Variants in TENM4 observed in about 807,000 individuals in gnomAD.
TENM4 encodes teneurin-4.
TENM4 carries 82 observed loss-of-function variants against 243.3 expected under a neutral mutation model. The observed-to-expected ratio is 0.34, with a 90% CI of 0.28 to 0.40. The LOEUF (loss-of-function observed/expected upper bound fraction) is 0.40, where lower values mean the gene tolerates loss of function less well. Ranked by LOEUF, TENM4 falls within the 10% of genes least tolerant of loss-of-function variation. The pLI is 1.00. For missense variants in TENM4, 3,138 were observed against 3,673.3 expected, an observed-to-expected ratio of 0.85 and a Z score of 3.77; for synonymous variants, 1,412 against 1,456.3, an observed-to-expected ratio of 0.97 and a Z score of 0.69.
At chr11:78,832,057 T>C (rs1282548655) in intron 12 of TENM4, among the ~76,000 whole-genome samples, 1 of 152,210 alleles carries the variant, frequency 6.6e-6, no homozygotes, top group African/African-American at 2.4e-5. Context: ...GGATAACTGA[T>C]GTTCTCAAGG....
chr11:79,224,032 C>G (rs1006099616), intron 2 of TENM4, among the ~76,000 whole-genome samples: 4 of 152,196 alleles, frequency 2.6e-5, no homozygotes, highest in Admixed American at 1.3e-4. Context: ...TCTCTTTCAG[C>G]ACAGTTGGGA....
chr11:78,928,645 A>G (rs932308329), intron 6 of TENM4, among the ~76,000 whole-genome samples: 1 of 152,238 alleles, frequency 6.6e-6, no homozygotes, highest in Admixed American at 6.5e-5. Context: ...GACTTTGTAC[A>G]TATTATATCA....
At chr11:79,083,224 CA>C (rs1473672260) in intron 4 of TENM4, among the ~76,000 whole-genome samples, 1 of 152,320 alleles carries the variant, frequency 6.6e-6, no homozygotes, top group African/African-American at 2.4e-5. Flanking sequence ...AAGATGGGGA[CA>C]GGGATCCAGG....
At chr11:79,074,579 A>C (rs1315816146) in intron 4 of TENM4, among the ~76,000 whole-genome samples, 1 of 152,206 alleles carries the variant, frequency 6.6e-6, no homozygotes, top group African/African-American at 2.4e-5. Flanking sequence ...GCCACAGAGC[A>C]ACCTGTCTCT....
intron 6 of TENM4, among the ~76,000 whole-genome samples, chr11:79,055,262 G>A (rs1591245846): frequency 6.6e-6 from 1 of 151,480 alleles, no homozygotes; most frequent in Non-Finnish European, 1.5e-5. Flanking sequence ...TTTATTTTGA[G>A]ATGCAGTCTC....
intron 2 of TENM4, among the ~76,000 whole-genome samples, chr11:79,285,514 C>T (rs978014485): frequency 1.3e-5 from 2 of 151,818 alleles, no homozygotes; most frequent in African/African-American, 4.8e-5. Flanking sequence ...AGATATATAC[C>T]CCAAAGAACT....
intron 1 of TENM4, among the ~76,000 whole-genome samples, chr11:79,317,300 A>G (rs17828811): frequency 0.19 from 29,274 of 152,148 alleles, 2,905 homozygotes; most frequent in African/African-American, 0.24. Context: ...ATCCTCCATA[A>G]TGAGCCATGA....
At chr11:78,785,161 G>A (rs1022342056) in intron 16 of TENM4, among the ~76,000 whole-genome samples, 1 of 152,002 alleles carries the variant, frequency 6.6e-6, no homozygotes, top group African/African-American at 2.4e-5. Flanking sequence ...GAAGGTGAGG[G>A]GAAAGCAGAG....
At chr11:79,413,812 T>A (rs571695979) in intron 1 of TENM4, among the ~76,000 whole-genome samples, 1 of 152,314 alleles carries the variant, frequency 6.6e-6, no homozygotes, top group East Asian at 1.9e-4. Context: ...TAGAAGAATG[T>A]CCTTGCTTTT....
chr11:79,220,501 A>AAGTACCTG (rs1375785987), intron 2 of TENM4, among the ~76,000 whole-genome samples: 1 of 152,194 alleles, frequency 6.6e-6, no homozygotes, highest in African/African-American at 2.4e-5. Context: ...TAGAGAGAAT[A>AAGTACCTG]AGTACCTGAC....
chr11:79,267,862 A>G (rs1855907131), intron 2 of TENM4, among the ~76,000 whole-genome samples: 3 of 152,204 alleles, frequency 2.0e-5, no homozygotes, highest in Admixed American at 2.0e-4. Context: ...TCATTACTGA[A>G]AAATCCCAGA....
At chr11:79,273,672 C>T (rs537305869) in intron 2 of TENM4, among the ~76,000 whole-genome samples, 33 of 152,296 alleles carry the variant, frequency 2.2e-4, no homozygotes, top group Middle Eastern at 6.8e-3. Context: ...TCATGCACTG[C>T]CCCACTGCCT....
At chr11:78,728,511 C>T (rs1368338075) in intron 22 of TENM4, among the ~76,000 whole-genome samples, 1 of 151,510 alleles carries the variant, frequency 6.6e-6, no homozygotes, top group Non-Finnish European at 1.5e-5. Flanking sequence ...TCCCTCCCTC[C>T]CTTCCCTCTT....
At chr11:79,189,156 T>C (rs1474913159) in intron 3 of TENM4, among the ~76,000 whole-genome samples, 1 of 152,242 alleles carries the variant, frequency 6.6e-6, no homozygotes, top group Admixed American at 6.5e-5. Context: ...CAAAATTTCA[T>C]GTTGTCATAA....
intron 6 of TENM4, among the ~76,000 whole-genome samples, chr11:79,009,476 C>T (rs1395866032): frequency 6.6e-6 from 1 of 152,134 alleles, no homozygotes; most frequent in African/African-American, 2.4e-5. Flanking sequence ...AAAACAAGTA[C>T]ACCTGCGACT....
At chr11:78,708,972 T>TTTC (rs1565343121) in intron 26 of TENM4, among the ~76,000 whole-genome samples, 3,465 of 142,574 alleles carry the variant, frequency 0.024, 153 homozygotes, top group African/African-American at 0.097. Flanking sequence ...TTTCTTTCTT[T>TTTC]TTTTTTTTTT....
intron 6 of TENM4, among the ~76,000 whole-genome samples, chr11:79,024,175 G>T (rs566967276): frequency 5.9e-5 from 9 of 152,158 alleles, no homozygotes; most frequent in Non-Finnish European, 1.3e-4. Context: ...TGGTGGCCAG[G>T]GTACCTGGCC....
chr11:79,377,101 G>A (rs1857906868), intron 1 of TENM4, among the ~76,000 whole-genome samples: 1 of 152,310 alleles, frequency 6.6e-6, no homozygotes, highest in African/African-American at 2.4e-5. Context: ...ATAACATGGA[G>A]ATGGATGCAA....
intron 1 of TENM4, among the ~76,000 whole-genome samples, chr11:79,373,283 T>C (rs1482669470): frequency 6.6e-6 from 1 of 151,228 alleles, no homozygotes; most frequent in Non-Finnish European, 1.5e-5. Context: ...GATGGATGCA[T>C]GGGTGGATAG....
Sources: gnomAD v4.1 joint callset for allele counts (sites outside exome capture counted in the v4.1 genomes callset) on GRCh38, gnomAD v4.1.1 for gene constraint, MANE v1.5 for transcripts, NCBI Gene and HGNC (gene_info 2026-07-23, HGNC 2026-07-21) for gene names.